The following ILDR1 variants were observed in gnomAD, a reference collection of about 807,000 sequenced individuals.
ILDR1 encodes the protein immunoglobulin-like domain-containing receptor 1.
ILDR1 carries 56 observed loss-of-function variants against 62.4 expected under a neutral mutation model. That is an observed-to-expected ratio of 0.90 (90% CI 0.72 to 1.12). ILDR1 has a LOEUF of 1.12. Ranked by LOEUF, ILDR1 falls within the 50% of genes most tolerant of loss-of-function variation. The pLI, the probability that ILDR1 is intolerant of heterozygous loss-of-function variation, is 0.00. For missense variants in ILDR1, 736 were observed against 710.6 expected, an observed-to-expected ratio of 1.04 and a Z score of -0.41; for synonymous variants, 284 against 277.8, an observed-to-expected ratio of 1.02 and a Z score of -0.22.
chr3:122,032,983 G>C, the ILDR1 span, among the ~76,000 whole-genome samples: 1 of 152,236 alleles, frequency 6.6e-6, no homozygotes, highest in South Asian at 2.1e-4. Flanking sequence ...GAGGAAACAT[G>C]TTTGTTGTTT....
intron 7 of ILDR1, among the ~76,000 whole-genome samples, chr3:121,992,328 C>CA (rs2071360789): frequency 6.6e-6 from 1 of 151,992 alleles, no homozygotes; most frequent in South Asian, 2.1e-4. Flanking sequence ...AGTAGAGACA[C>CA]AGTTTCACCA....
chr3:121,996,876 G>GC (rs1415105695), intron 5 of ILDR1, among the ~76,000 whole-genome samples: 7 of 151,982 alleles, frequency 4.6e-5, no homozygotes, highest in Non-Finnish European at 1.0e-4. Flanking sequence ...ACCCATTCTT[G>GC]CCCTTGTTTT....
chr3:122,055,450 G>A, the ILDR1 span: 2 of 1,607,400 alleles, frequency 1.2e-6, no homozygotes, highest in African/African-American at 2.7e-5. Flanking sequence ...GGATGAGTGG[G>A]GTCATTTCCA....
At chr3:122,051,122 T>A in the ILDR1 span, among the ~76,000 whole-genome samples, 1,979 of 152,258 alleles carry the variant, frequency 0.013, 36 homozygotes, top group Non-Finnish European at 0.014. Flanking sequence ...TTTGTTTGGG[T>A]TCATCTTATT....
chr3:122,036,378 A>T, the ILDR1 span, among the ~76,000 whole-genome samples: 1 of 152,160 alleles, frequency 6.6e-6, no homozygotes, highest in Non-Finnish European at 1.5e-5. Context: ...TCACAAGGTC[A>T]GGAGATCAAG....
the ILDR1 span, among the ~76,000 whole-genome samples, chr3:122,041,319 T>C: frequency 6.6e-6 from 1 of 152,292 alleles, no homozygotes; most frequent in South Asian, 2.1e-4. Flanking sequence ...TGCCATAAGT[T>C]TGTTATAAAA....
At chr3:122,024,008 C>T (rs1049368986), upstream of ILDR1, among the ~76,000 whole-genome samples, 6 of 152,028 alleles carry the variant, frequency 3.9e-5, no homozygotes, top group Admixed American at 3.9e-4. Flanking sequence ...CCTGTCTTTC[C>T]CATACCTCCC....
the ILDR1 span, among the ~76,000 whole-genome samples, chr3:122,038,351 C>T: frequency 6.6e-6 from 1 of 152,146 alleles, no homozygotes; most frequent in Non-Finnish European, 1.5e-5. Flanking sequence ...TAGAGAAACA[C>T]TCTGGCAAAT....
the ILDR1 span, among the ~76,000 whole-genome samples, chr3:122,039,201 C>G: frequency 3.3e-5 from 5 of 151,528 alleles, no homozygotes; most frequent in East Asian, 9.7e-4. Flanking sequence ...AAATAATAAC[C>G]AAGAATTTGC....
At position 122,022,247 on chromosome 3, in the gene ILDR1, C is replaced by G. The variant is rs1456436232; in HGVS notation, c.-170G>C. 8.9e-6 allele frequency: 5 copies of G among 559,700 alleles called. No individual in the cohort carries two copies. Among genetic ancestry groups the G allele is most frequent in the Non-Finnish European group, 1.5e-5 (5 of 327,998 alleles). The allele number at this position is 559,700 out of a possible 1,614,324, so 34.7% of individuals were successfully genotyped here. A position where few individuals can be genotyped will look rare whatever the true frequency, so the allele number is the denominator to read the frequency against. On this transcript the variant is annotated 5_prime_UTR_variant, in exon 1 of 8. Transcript: ENST00000344209. ...CTCTGGTCCCGGGGCAGGTGCCGCC[C>G]GGCTCGTCCCCACCTGCGGCGCTCC...
chr3:122,029,467 A>G, the ILDR1 span, among the ~76,000 whole-genome samples: 1 of 150,694 alleles, frequency 6.6e-6, no homozygotes, highest in Non-Finnish European at 1.5e-5. Context: ...AGATCCAGCC[A>G]CTGCACTCCA....
At chr3:122,037,823 G>A in the ILDR1 span, among the ~76,000 whole-genome samples, 1 of 152,130 alleles carries the variant, frequency 6.6e-6, no homozygotes, top group Non-Finnish European at 1.5e-5. Context: ...AGGCCTGATG[G>A]GAGGTGACTA....
At chr3:122,028,678 C>CA in the ILDR1 span, among the ~76,000 whole-genome samples, 1 of 152,172 alleles carries the variant, frequency 6.6e-6, no homozygotes, top group East Asian at 1.9e-4. Context: ...CATTAGAAGA[C>CA]ACTCAACTTG....
chr3:121,989,287 T>C (rs970785295), intron 7 of ILDR1, among the ~76,000 whole-genome samples: 2 of 152,234 alleles, frequency 1.3e-5, no homozygotes, highest in East Asian at 3.9e-4. Context: ...CAATGAAATG[T>C]GGTAAAAGGA....
At chr3:122,053,129 A>C in the ILDR1 span, among the ~76,000 whole-genome samples, 1 of 152,224 alleles carries the variant, frequency 6.6e-6, no homozygotes, top group Non-Finnish European at 1.5e-5. Context: ...TCTCTCTGGG[A>C]GGGAGCACAG....
At chr3:122,033,653 C>T in the ILDR1 span, among the ~76,000 whole-genome samples, 5,083 of 152,096 alleles carry the variant, frequency 0.033, 269 homozygotes, top group African/African-American at 0.12. Context: ...CTACAATCCA[C>T]GTGGAACTGA....
rs565305925 is a variant in ILDR1, at chr3:121,987,846, A to G, written c.*521T>C. ...AGATTATATAAATATGCAAGAGAGC[A>G]TGAACCAAGGCTAAAACTACAGTTG... On this transcript the variant is annotated 3_prime_UTR_variant, in exon 8 of 8. Transcript: ENST00000344209. 47 of 254,986 alleles carry G rather than the reference A, an allele frequency of 1.8e-4. No homozygotes were observed. Among genetic ancestry groups the G allele is most frequent in the South Asian group, 1.1e-3 (24 of 20,876 alleles). The allele number at this position is 254,986 out of a possible 1,614,324, so 15.8% of individuals were successfully genotyped here.
intron 3 of ILDR1, among the ~76,000 whole-genome samples, chr3:122,002,613 C>A (rs2071544987): frequency 6.6e-6 from 1 of 151,952 alleles, no homozygotes; most frequent in Admixed American, 6.6e-5. Context: ...ATTTGCTGTA[C>A]ATTCATTTTT....
the ILDR1 span, among the ~76,000 whole-genome samples, chr3:122,052,223 C>A: frequency 2.0e-5 from 3 of 152,304 alleles, no homozygotes; most frequent in East Asian, 5.8e-4. Flanking sequence ...TGCTATTTAG[C>A]TCTTTGGTTT....
Sources: allele counts gnomAD v4.1 joint callset (sites outside exome capture counted in the v4.1 genomes callset), GRCh38; gene constraint gnomAD v4.1.1; transcripts MANE v1.5; gene names NCBI Gene and HGNC (gene_info 2026-07-23, HGNC 2026-07-21).